GBE1: variants seen among roughly 807,000 people sequenced by gnomAD.
GBE1 encodes the protein 1,4-alpha-glucan branching enzyme 1, also known as 1,4-alpha-glucan-branching enzyme.
GBE1 carries 70 observed loss-of-function variants against 88.8 expected under a neutral mutation model. The observed-to-expected ratio is 0.79, with a 90% CI of 0.65 to 0.96. The LOEUF is 0.96. Among genes scored for constraint, GBE1 ranks in the 40% least tolerant of loss-of-function variants. GBE1 has a pLI of 0.00. For missense variants in GBE1, 872 were observed against 871.0 expected (o/e 1.00, Z -0.01); for synonymous variants, 284 against 300.1 (o/e 0.95, Z 0.56).
At position 81,648,997 on chromosome 3, in the gene GBE1, G is replaced by A. The variant is rs754051144; in HGVS notation, c.556-6C>T. 7.7e-6 allele frequency: 12 copies of A among 1,549,328 alleles called. No homozygotes were observed. Among genetic ancestry groups the A allele is most frequent in the African/African-American group, 4.1e-5 (3 of 72,348 alleles). On this transcript the variant is annotated splice_region_variant and splice_polypyrimidine_tract_variant and intron_variant, in intron 4 of 15. Transcript: ENST00000429644. ...TTTGGTCTGGAATGCTTAAACTACAGAATATAAAATTATGTATAGAGTTAA... is the reference window on the plus strand; with the variant it reads ...TTTGGTCTGGAATGCTTAAACTACAAAATATAAAATTATGTATAGAGTTAA...
At chr3:81,720,272 A>G (rs952722710) in intron 1 of GBE1, among the ~76,000 whole-genome samples, 8 of 151,592 alleles carry the variant, frequency 5.3e-5, no homozygotes, top group African/African-American at 1.9e-4. Context: ...ATATCTATCT[A>G]TCTACATATA....
intron 3 of GBE1, among the ~76,000 whole-genome samples, chr3:81,659,309 T>C (rs1214568781): frequency 6.6e-6 from 1 of 151,984 alleles, no homozygotes; most frequent in Non-Finnish European, 1.5e-5. Flanking sequence ...GAAAAAAATA[T>C]GATTCCTAAG....
intron 14 of GBE1, among the ~76,000 whole-genome samples, chr3:81,527,067 A>G (rs1395563373): frequency 6.6e-6 from 1 of 152,086 alleles, no homozygotes; most frequent in Non-Finnish European, 1.5e-5. Context: ...ATAATGCCGC[A>G]TATCTACAAC....
At chr3:81,736,031 G>A (rs981816728) in intron 1 of GBE1, among the ~76,000 whole-genome samples, 2 of 152,064 alleles carry the variant, frequency 1.3e-5, no homozygotes, top group Non-Finnish European at 2.9e-5. Context: ...CCAAAGCACT[G>A]CCAAAAAAGC....
intron 7 of GBE1, among the ~76,000 whole-genome samples, chr3:81,629,609 T>TTGCTATACC (rs1301204139): frequency 6.6e-5 from 10 of 152,190 alleles, no homozygotes; most frequent in Non-Finnish European, 1.2e-4. Context: ...TTCAGACTAC[T>TTGCTATACC]TGCTATACCT....
intron 1 of GBE1, among the ~76,000 whole-genome samples, chr3:81,736,698 C>G (rs1706260730): frequency 6.6e-6 from 1 of 152,276 alleles, no homozygotes; most frequent in South Asian, 2.1e-4. Context: ...ATATCTCCAG[C>G]CTCTGATTTA....
intron 1 of GBE1, among the ~76,000 whole-genome samples, chr3:81,715,908 A>G (rs891947900): frequency 6.6e-6 from 1 of 152,104 alleles, no homozygotes. Flanking sequence ...GCAAATCATT[A>G]GTCTCCAATT....
At chr3:81,564,250 T>A (rs1220444867) in intron 12 of GBE1, among the ~76,000 whole-genome samples, 4 of 152,054 alleles carry the variant, frequency 2.6e-5, no homozygotes, top group African/African-American at 9.7e-5. Context: ...TGGACCTAGC[T>A]TAGATGGATG....
chr3:81,618,294 A>C (rs1704277785), intron 7 of GBE1, among the ~76,000 whole-genome samples: 1 of 152,122 alleles, frequency 6.6e-6, no homozygotes, highest in African/African-American at 2.4e-5. Context: ...AGCATTTTTA[A>C]CTTATAGTTG....
chr3:81,593,930 C>T lies in GBE1; in HGVS notation c.1086G>A (p.Met362Ile). ...DGFRFDGVTS[M>I]LYHHHGVGQG... The stretch of plus-strand genomic sequence containing the variant: ...TACCCACTCCATGGTGATGATAAAG[C>T]ATGGACGTAACACCATCAAAACGAA... Residue 362 changes from methionine (M) to isoleucine (I), a missense_variant, in exon 8 of 16, where the codon ATG becomes ATA. Transcript: ENST00000429644. 6.4e-7 allele frequency: 1 copy of T among 1,569,552 alleles called. No individual in the cohort carries two copies. Among genetic ancestry groups the T allele is most frequent in the Non-Finnish European group, 8.7e-7 (1 of 1,153,510 alleles).
At position 81,737,500 on chromosome 3, in the gene GBE1, G is replaced by A. The variant is rs182618499; in HGVS notation, c.143+23875C>T. On this transcript the variant is annotated intron_variant, in intron 1 of 15. Transcript: ENST00000429644. ...ATTTAAAGCAATACTACTCAAATGT[G>A]TGCCACAGACCACTGCTGAGTCGCC... is the stretch of plus-strand genomic sequence containing the variant. Among the ~76,000 whole-genome samples, 202 of 147,626 alleles carry A rather than the reference G, an allele frequency of 1.4e-3. 2 individuals are homozygous for A. Among genetic ancestry groups the A allele is most frequent in the African/African-American group, 4.2e-3 (170 of 40,018 alleles).
At chr3:81,650,052 G>A (rs1328986081) in intron 3 of GBE1, 131 bp from the exon 4 acceptor site, 3 of 628,936 alleles carry the variant, frequency 4.8e-6, no homozygotes, top group Non-Finnish European at 8.1e-6. Context: ...ATACAGATGT[G>A]TGACCTTCAG....
intron 7 of GBE1, among the ~76,000 whole-genome samples, chr3:81,620,294 T>A (rs892900603): frequency 3.3e-5 from 5 of 151,924 alleles, no homozygotes; most frequent in African/African-American, 1.2e-4. Context: ...GTGATTCTCC[T>A]GCCTCAACCT....
intron 12 of GBE1, among the ~76,000 whole-genome samples, chr3:81,574,367 T>C (rs940557677): frequency 2.0e-5 from 3 of 152,114 alleles, no homozygotes; most frequent in African/African-American, 7.2e-5. Flanking sequence ...TTTATATAAG[T>C]ATAACAGTAT....
intron 10 of GBE1, among the ~76,000 whole-genome samples, chr3:81,585,182 G>C (rs1035332467): frequency 2.6e-5 from 4 of 152,082 alleles, no homozygotes; most frequent in African/African-American, 9.7e-5. Flanking sequence ...CAGAAGTTAT[G>C]TTGGTCCAAG....
At chr3:81,745,714 A>C (rs1232378757) in intron 1 of GBE1, among the ~76,000 whole-genome samples, 1 of 152,164 alleles carries the variant, frequency 6.6e-6, no homozygotes, top group African/African-American at 2.4e-5. Flanking sequence ...TTTAAGTTAC[A>C]TGTTGAAATG....
At chr3:81,566,072 C>T (rs553425406) in intron 12 of GBE1, among the ~76,000 whole-genome samples, 6 of 152,184 alleles carry the variant, frequency 3.9e-5, no homozygotes, top group Non-Finnish European at 5.9e-5. Flanking sequence ...AGCCTCCTGG[C>T]CAGGCACTGA....
chr3:81,722,756 T>C (rs1706050633), intron 1 of GBE1, among the ~76,000 whole-genome samples: 2 of 151,638 alleles, frequency 1.3e-5, no homozygotes, highest in African/African-American at 4.8e-5. Flanking sequence ...TGAAATGGAA[T>C]GTATGAGACC....
At chr3:81,609,708 A>T (rs1327377488) in intron 7 of GBE1, among the ~76,000 whole-genome samples, 1 of 152,140 alleles carries the variant, frequency 6.6e-6, no homozygotes, top group Non-Finnish European at 1.5e-5. Context: ...GAGCCCACTT[A>T]TTCACAAATT....
Sources: gnomAD v4.1 joint callset for allele counts (sites outside exome capture counted in the v4.1 genomes callset) on GRCh38, gnomAD v4.1.1 for gene constraint, MANE v1.5 for transcripts, NCBI Gene and HGNC (gene_info 2026-07-23, HGNC 2026-07-21) for gene names.